ADAMTSL1: variants seen among roughly 807,000 people sequenced by gnomAD.
ADAMTSL1 encodes the protein ADAMTS like 1.
Under a neutral mutation model 201.8 loss-of-function variants are expected in ADAMTSL1, and 126 were observed. The observed-to-expected ratio is 0.62, with a 90% CI of 0.54 to 0.72. The LOEUF is 0.72. Among genes scored for constraint, ADAMTSL1 ranks in the 30% least tolerant of loss-of-function variants. The pLI is 0.00. For missense variants in ADAMTSL1, 2,679 were observed against 2,277.8 expected (o/e 1.18, Z -3.59); for synonymous variants, 1,121 against 903.4 (o/e 1.24, Z -4.32).
intron 2 of ADAMTSL1, among the ~76,000 whole-genome samples, chr9:18,321,521 C>A (rs538336666): frequency 6.6e-6 from 1 of 152,180 alleles, no homozygotes; most frequent in African/African-American, 2.4e-5. Flanking sequence ...TGGCTGGGCG[C>A]GGTGGCTCAC....
chr9:18,178,698 TC>T (rs1828298098), intron 2 of ADAMTSL1, among the ~76,000 whole-genome samples: 1 of 151,564 alleles, frequency 6.6e-6, no homozygotes, highest in South Asian at 2.1e-4. Flanking sequence ...GCAGACTGCC[TC>T]CTCAAGTGGG....
intron 2 of ADAMTSL1, among the ~76,000 whole-genome samples, chr9:18,190,354 C>T (rs1361163215): frequency 1.3e-5 from 2 of 152,164 alleles, no homozygotes; most frequent in Non-Finnish European, 2.9e-5. Context: ...AATGGAAAAT[C>T]CATCTAAGCT....
chr9:18,259,229 C>G (rs1377928310), intron 2 of ADAMTSL1, among the ~76,000 whole-genome samples: 1 of 152,148 alleles, frequency 6.6e-6, no homozygotes, highest in Non-Finnish European at 1.5e-5. Context: ...AATGAAAGGC[C>G]CATATAGCCA....
At chr9:18,705,274 T>A (rs1315003160) in intron 13 of ADAMTSL1, among the ~76,000 whole-genome samples, 1 of 152,172 alleles carries the variant, frequency 6.6e-6, no homozygotes, top group Non-Finnish European at 1.5e-5. Flanking sequence ...CACGACTCCC[T>A]GTGAGAAAGC....
chr9:18,229,655 T>A (rs182280825), intron 2 of ADAMTSL1, among the ~76,000 whole-genome samples: 62 of 151,830 alleles, frequency 4.1e-4, no homozygotes, highest in African/African-American at 1.4e-3. Flanking sequence ...TAAAGTTCCA[T>A]AATTTGATAT....
intron 2 of ADAMTSL1, among the ~76,000 whole-genome samples, chr9:18,524,527 A>G (rs1383957119): frequency 1.3e-5 from 2 of 152,152 alleles, no homozygotes; most frequent in African/African-American, 2.4e-5. Flanking sequence ...CCAGTTTTCA[A>G]AGGGAATGCT....
At chr9:18,630,337 C>A (rs1476688696) in intron 5 of ADAMTSL1, among the ~76,000 whole-genome samples, 1 of 152,180 alleles carries the variant, frequency 6.6e-6, no homozygotes, top group South Asian at 2.1e-4. Flanking sequence ...CTCTATAATT[C>A]TTTTGTGTAG....
At chr9:18,101,188 G>C (rs1300456194) in intron 1 of ADAMTSL1, among the ~76,000 whole-genome samples, 5 of 149,586 alleles carry the variant, frequency 3.3e-5, no homozygotes, top group South Asian at 2.1e-4. Flanking sequence ...ATGAAATACA[G>C]ATGAATGCAT....
chr9:18,657,771 T>C, intron 8 of ADAMTSL1, 21 bp downstream of exon 8: 4 of 1,587,896 alleles, frequency 2.5e-6, no homozygotes, highest in African/African-American at 2.7e-5. Context: ...TCACTTAGTC[T>C]AAAAACTGTT....
At chr9:18,854,828 T>C (rs1259913891) in intron 23 of ADAMTSL1, among the ~76,000 whole-genome samples, 1 of 152,188 alleles carries the variant, frequency 6.6e-6, no homozygotes, top group Non-Finnish European at 1.5e-5. Flanking sequence ...CTATCATCAA[T>C]CCATAGGAAT....
Position 18,430,341 on chromosome 9 carries a change from C to G in ADAMTSL1, c.208-74488C>G, listed in dbSNP as rs561396498. On this transcript the variant is annotated intron_variant, in intron 2 of 29. Transcript: ENST00000680146. ...CCACAATGGCTTCCCAAAGTGTGCT[C>G]GCCTGAGTTCTCCTTCTGATGCCAA... 1.4e-4 allele frequency among the ~76,000 whole-genome samples: 22 copies of G among 152,274 alleles called. No individual in the cohort carries two copies. The South Asian group carries it at 3.5e-3, about 24-fold the overall frequency.
At chr9:18,748,089 A>G (rs1458621732) in intron 15 of ADAMTSL1, among the ~76,000 whole-genome samples, 4 of 152,268 alleles carry the variant, frequency 2.6e-5, no homozygotes, top group Middle Eastern at 3.4e-3. Flanking sequence ...TGATCTGTCA[A>G]CTCATGGAGG....
chr9:18,644,994 A>C (rs1033416571), intron 7 of ADAMTSL1, among the ~76,000 whole-genome samples: 1 of 152,080 alleles, frequency 6.6e-6, no homozygotes. Flanking sequence ...ACTAGTTTAC[A>C]GTCCCACCAA....
Position 18,502,084 on chromosome 9 carries a change from G to A in ADAMTSL1, c.64-2745G>A, listed in dbSNP as rs569194667. Among the ~76,000 whole-genome samples the A allele has an allele frequency of 5.6e-4, 85 of 152,262 alleles. 2 individuals carry two copies. In the South Asian group the frequency reaches 6.2e-3, roughly 11 times the overall value. ...TATCTTACCCAGAGAACAGCCAGAG[G>A]GAAACTCTCCAAGGATTTGGCATTC... On this transcript the variant is annotated intron_variant, in intron 1 of 28. Coordinates refer to ENST00000380548, the MANE Select transcript of ADAMTSL1 (RefSeq NM_001040272.6).
intron 1 of ADAMTSL1, among the ~76,000 whole-genome samples, chr9:17,969,908 A>G (rs534250807): frequency 2.0e-5 from 3 of 152,226 alleles, no homozygotes; most frequent in African/African-American, 7.2e-5. Context: ...TTAAAAGTCC[A>G]TGATGAATTT....
chr9:18,018,636 A>G (rs1820356037), intron 1 of ADAMTSL1, among the ~76,000 whole-genome samples: 1 of 151,998 alleles, frequency 6.6e-6, no homozygotes, highest in Non-Finnish European at 1.5e-5. Context: ...TAAACCCCAT[A>G]TGCAAACCCC....
chr9:18,743,523 T>C (rs980720798), intron 15 of ADAMTSL1, among the ~76,000 whole-genome samples: 2 of 152,178 alleles, frequency 1.3e-5, no homozygotes, highest in African/African-American at 4.8e-5. Context: ...GTGTGGCAAA[T>C]TGGCGTGGCC....
intron 2 of ADAMTSL1, among the ~76,000 whole-genome samples, chr9:18,397,462 G>T (rs114780813): frequency 0.026 from 3,970 of 152,174 alleles, 157 homozygotes; most frequent in African/African-American, 0.089. Flanking sequence ...TAATAGACTT[G>T]CAATTAAGAG....
At chr9:18,174,134 A>C (rs1489745394) in intron 2 of ADAMTSL1, among the ~76,000 whole-genome samples, 1 of 152,188 alleles carries the variant, frequency 6.6e-6, no homozygotes, top group Non-Finnish European at 1.5e-5. Flanking sequence ...TTGAGGCACC[A>C]AAGAATAGTT....
Sources: allele counts gnomAD v4.1 joint callset (sites outside exome capture counted in the v4.1 genomes callset), GRCh38; gene constraint gnomAD v4.1.1; transcripts MANE v1.5; gene names NCBI Gene and HGNC (gene_info 2026-07-23, HGNC 2026-07-21).